Variants in PARP6 observed in about 807,000 individuals in gnomAD.
The protein encoded by PARP6 is protein mono-ADP-ribosyltransferase PARP6.
Under a neutral mutation model 92.0 loss-of-function variants are expected in PARP6, and 27 were observed. The ratio of observed to expected loss-of-function variants is 0.29; its 90% confidence interval spans 0.22 to 0.40. PARP6 has a LOEUF of 0.40. Among genes scored for constraint, PARP6 ranks in the 10% least tolerant of loss-of-function variants. The pLI is 1.00. For missense variants in PARP6, 501 were observed against 784.5 expected (o/e 0.64, Z 4.32); for synonymous variants, 272 against 281.2 (o/e 0.97, Z 0.33).
At chr15:72,265,829 C>T (rs1001099065) in intron 5 of PARP6, 68 bp downstream of exon 5, 17 of 1,045,314 alleles carry the variant, frequency 1.6e-5, no homozygotes, top group Non-Finnish European at 2.3e-5. Flanking sequence ...AAAAGAAAAA[C>T]CTCTAGCCTT....
intron 2 of PARP6, among the ~76,000 whole-genome samples, chr15:72,270,306 A>G (rs1354279757): frequency 1.3e-5 from 2 of 152,234 alleles, no homozygotes; most frequent in Admixed American, 6.5e-5. Context: ...AAATAAATAC[A>G]GCAAATAGCA....
chr15:72,255,782 CTCTTT>C lies in PARP6; in HGVS notation c.1125+678_1125+682del, dbSNP rs2085010993. Among the ~76,000 whole-genome samples the C allele has an allele frequency of 1.8e-4, 11 of 61,850 alleles. No individual in the cohort carries two copies. The South Asian group carries it at 4.5e-3, about 26-fold the overall frequency. The allele number at this position is 61,850 out of a possible 152,430, so 40.6% of individuals were successfully genotyped here. A position where few individuals can be genotyped will look rare whatever the true frequency, so the allele number is the denominator to read the frequency against. ...ACAGTACTTTACATATATTACTTCTCTCTTTTTTTTTTTTTTTTTTTTTTTTTTTT... is the reference window on the plus strand; with the variant it reads ...ACAGTACTTTACATATATTACTTCTCTTTTTTTTTTTTTTTTTTTTTTTTT... On this transcript the variant is annotated intron_variant, in intron 14 of 23. Transcript: ENST00000569795.
In PARP6 at chr15:72,242,743, G is replaced by A. The variant is rs776969081; in HGVS notation, c.1562-44C>T. The A allele has an allele frequency of 2.9e-5, 37 of 1,279,042 alleles. No individual in the cohort carries two copies. The highest frequency in any genetic ancestry group is 3.9e-5 in the Non-Finnish European group (35 of 894,394). The allele number at this position is 1,279,042 out of a possible 1,614,324, so 79.2% of individuals were successfully genotyped here. On this transcript the variant is annotated intron_variant, in intron 20 of 23. Transcript: ENST00000569795. This position sits in a 1 kb window ranked among gnomAD's most constrained non-coding sequence, Gnocchi z 4.3. ...CCCACTTCATTTATCAAAAATTTACGAAAGTGCCTACTATGTCCCAGCACT... is the reference window on the plus strand; with the variant it reads ...CCCACTTCATTTATCAAAAATTTACAAAAGTGCCTACTATGTCCCAGCACT...
intron 16 of PARP6, chr15:72,251,501 G>GA (rs34379650): frequency 6.6e-4 from 147 of 222,746 alleles, no homozygotes; most frequent in Admixed American, 2.4e-3. Flanking sequence ...AACAATGGAT[G>GA]AAAAAAAAAA....
At chr15:72,254,385 A>G in intron 15 of PARP6, 70 bp downstream of exon 15, 3 of 1,135,150 alleles carry the variant, frequency 2.6e-6, no homozygotes, top group Non-Finnish European at 4.0e-6. Flanking sequence ...CCACTCCCAC[A>G]AATTACCAAC....
intron 11 of PARP6, 29 bp downstream of exon 11, chr15:72,259,579 C>G: frequency 6.2e-7 from 1 of 1,608,994 alleles, no homozygotes; most frequent in Non-Finnish European, 8.5e-7. Context: ...CAGGGAAGGG[C>G]TTCGGAGTGA....
chr15:72,241,647 T>A lies in PARP6; in HGVS notation c.1791-90A>T. On this transcript the variant is annotated intron_variant, in intron 23 of 23. Coordinates refer to ENST00000569795, the MANE Select transcript of PARP6 (RefSeq NM_001323532.2). This position sits in a 1 kb window ranked among gnomAD's most constrained non-coding sequence, Gnocchi z 4.1. ...GGAACTGTATTTCAAGGTATGGCCA[T>A]CCCATCCCAGAAGTCAAAGCCCTTT... is the stretch of plus-strand genomic sequence containing the variant. 1 of 1,029,618 alleles carries A rather than the reference T, an allele frequency of 9.7e-7. No individual in the cohort carries two copies. Among genetic ancestry groups the A allele is most frequent in the Admixed American group, 1.9e-5 (1 of 53,920 alleles). The allele number at this position is 1,029,618 out of a possible 1,614,324, so 63.8% of individuals were successfully genotyped here.
At chr15:72,249,947 T>C (rs1441162196) in intron 19 of PARP6, 73 bp downstream of exon 19, 1 of 983,118 alleles carries the variant, frequency 1.0e-6, no homozygotes, top group Non-Finnish European at 1.6e-6. Flanking sequence ...CAGCTTACTC[T>C]AGAGCAGCCT....
At chr15:72,249,214 A>G in intron 20 of PARP6, 31 bp downstream of exon 20, 5 of 1,318,576 alleles carry the variant, frequency 3.8e-6, no homozygotes, top group Non-Finnish European at 5.5e-6. Flanking sequence ...CAATGTAAAT[A>G]GAGTCAAGGT....
intron 9 of PARP6, 97 bp downstream of exon 9, chr15:72,261,461 G>C: frequency 9.2e-7 from 1 of 1,091,650 alleles, no homozygotes; most frequent in East Asian, 2.4e-5. Context: ...ACAGAATTCA[G>C]GGAAGAGAGG....
chr15:72,245,142 C>T (rs1567162557), intron 20 of PARP6: 2 of 152,276 alleles, frequency 1.3e-5, no homozygotes, highest in South Asian at 4.1e-4. Flanking sequence ...GCAGGCGGAT[C>T]ACGAGGTCAG....
intron 11 of PARP6, among the ~76,000 whole-genome samples, chr15:72,259,050 C>T (rs897492195): frequency 1.3e-5 from 2 of 152,072 alleles, no homozygotes; most frequent in Non-Finnish European, 2.9e-5. Context: ...AAAAACAAAT[C>T]GTAACAGTTC....
At chr15:72,253,607 C>G in intron 15 of PARP6, 103 bp from the exon 16 acceptor site, 1 of 895,754 alleles carries the variant, frequency 1.1e-6, no homozygotes, top group Non-Finnish European at 1.8e-6. Context: ...AAGGTAGGCA[C>G]CAAAGGCCAC....
Position 72,242,061 on chromosome 15 carries a change from C to A in PARP6, c.1706-76G>T. Reference sequence around the variant, plus strand: ...TCCAGGCAGGAGAAGGAAGCCATGCCACTTCAACATCACTCTTGGCCAGAT... The same window carrying A: ...TCCAGGCAGGAGAAGGAAGCCATGCAACTTCAACATCACTCTTGGCCAGAT... On this transcript the variant is annotated intron_variant, in intron 22 of 23. Transcript: ENST00000569795. The surrounding 1 kb of genome is among the most constrained non-coding windows in gnomAD (Gnocchi z 4.3). 1.4e-6 allele frequency: 2 copies of A among 1,451,306 alleles called. No individual in the cohort carries two copies. The highest frequency in any genetic ancestry group is 2.3e-5 in the South Asian group (2 of 87,786). The allele number at this position is 1,451,306 out of a possible 1,614,324, so 89.9% of individuals were successfully genotyped here.
rs189262211 is a variant in PARP6, at chr15:72,262,077, G to A, written c.396-370C>T. On this transcript the variant is annotated intron_variant, in intron 8 of 23. Transcript: ENST00000569795. ...GGAGGTGAGTACCACTTTGTTCCTT[G>A]TGAGTCATGAAGAAAGGGAGTAGGG... Among the ~76,000 whole-genome samples, 5 of 152,314 alleles carry A rather than the reference G, an allele frequency of 3.3e-5. No individual in the cohort carries two copies. The East Asian group carries it at 9.7e-4, about 29-fold the overall frequency.
At chr15:72,259,189 CA>C (rs1171311290) in intron 11 of PARP6, among the ~76,000 whole-genome samples, 2 of 152,096 alleles carry the variant, frequency 1.3e-5, no homozygotes, top group Non-Finnish European at 2.9e-5. Context: ...AACAGAGATG[CA>C]AAAGTGAAAG....
chr15:72,250,894 C>A lies in PARP6; in HGVS notation c.1369G>T (p.Ala457Ser). ...LLLSSPPAKE[A>S]RFRTAKKLYG... ...AGCTTCTTGGCGGTCCGGAACCGAG[C>A]CTCCTTGGCAGGAGGGCTGCTCAGC... Residue 457 changes from alanine to serine, a missense_variant, in exon 18 of 24, where the codon GCT becomes TCT. This residue lies in a region of PARP6 where 191 missense variants were observed against 399.1 expected (regional missense o/e 0.48). Transcript: ENST00000569795. The A allele has an allele frequency of 6.2e-7, 1 of 1,613,660 alleles. No individual in the cohort carries two copies. The highest frequency in any genetic ancestry group is 8.5e-7 in the Non-Finnish European group (1 of 1,179,868).
At chr15:72,261,749 G>A in intron 8 of PARP6, 42 bp from the exon 9 acceptor site, 2 of 1,599,884 alleles carry the variant, frequency 1.3e-6, no homozygotes, top group Middle Eastern at 1.7e-4. Context: ...GATGAGGCAG[G>A]GTCAAGAAAT....
At chr15:72,253,011 C>G (rs567012383) in intron 16 of PARP6, among the ~76,000 whole-genome samples, 1 of 151,140 alleles carries the variant, frequency 6.6e-6, no homozygotes, top group South Asian at 2.1e-4. Context: ...GAGACTCCAT[C>G]TCTATTAAAA....
Sources: allele counts gnomAD v4.1 joint callset (sites outside exome capture counted in the v4.1 genomes callset), GRCh38; gene constraint gnomAD v4.1.1; regional missense constraint gnomAD v4.1.1; non-coding constraint Gnocchi (gnomAD v3.1); transcripts MANE v1.5; gene names NCBI Gene and HGNC (gene_info 2026-07-23, HGNC 2026-07-21).